ARMH3: variants seen among roughly 807,000 people sequenced by gnomAD.
ARMH3 encodes the protein armadillo like helical domain containing 3.
In ARMH3, 60 loss-of-function variants were observed where a neutral mutation model predicts 99.1. That is an observed-to-expected ratio of 0.61 (90% CI 0.49 to 0.75). The LOEUF (loss-of-function observed/expected upper bound fraction) is 0.75, where lower values mean the gene tolerates loss of function less well. Among genes scored for constraint, ARMH3 ranks in the 30% least tolerant of loss-of-function variants. The probability of loss-of-function intolerance (pLI) is 0.00; values close to 1 mark genes in which losing one functional copy is unlikely to be tolerated. For missense variants in ARMH3, 679 were observed against 843.1 expected (o/e 0.81, Z 2.41); for synonymous variants, 285 against 292.8 (o/e 0.97, Z 0.27).
At chr10:101,908,653 TTTTTC>T in intron 23 of ARMH3, among the ~76,000 whole-genome samples, 1 of 151,342 alleles carries the variant, frequency 6.6e-6, no homozygotes, top group Non-Finnish European at 1.5e-5. Flanking sequence ...CACTGTGGGT[TTTTTC>T]TTTTTCTTTT....
At chr10:101,900,040 T>C (rs2067937407) in intron 23 of ARMH3, among the ~76,000 whole-genome samples, 1 of 152,168 alleles carries the variant, frequency 6.6e-6, no homozygotes, top group African/African-American at 2.4e-5. Flanking sequence ...CATCACTTAA[T>C]CCATTCCCCT....
intron 20 of ARMH3, among the ~76,000 whole-genome samples, chr10:101,968,887 A>G (rs138344302): frequency 5.6e-4 from 85 of 152,306 alleles, no homozygotes; most frequent in Middle Eastern, 3.4e-3. Context: ...CCAGAAAGAT[A>G]CCTTCTAATG....
At chr10:101,987,897 G>A (rs1846585175) in intron 19 of ARMH3, among the ~76,000 whole-genome samples, 1 of 152,118 alleles carries the variant, frequency 6.6e-6, no homozygotes, top group Admixed American at 6.5e-5. Context: ...TAAGCCTTAA[G>A]GTTTTTTTTA....
At chr10:101,897,656 G>A (rs1163780045) in intron 23 of ARMH3, among the ~76,000 whole-genome samples, 2 of 152,104 alleles carry the variant, frequency 1.3e-5, no homozygotes, top group Admixed American at 6.5e-5. Flanking sequence ...ATTCTGATAC[G>A]GGGCCTCTAA....
chr10:101,897,984 C>CAG, intron 23 of ARMH3, among the ~76,000 whole-genome samples: 1 of 152,148 alleles, frequency 6.6e-6, no homozygotes, highest in Non-Finnish European at 1.5e-5. Flanking sequence ...TCTCTTTTCC[C>CAG]AAGTGCCGGG....
intron 14 of ARMH3, 107 bp downstream of exon 14, chr10:102,006,433 T>G: frequency 7.9e-7 from 1 of 1,271,514 alleles, no homozygotes; most frequent in South Asian, 1.3e-5. Flanking sequence ...ACCAATTTAG[T>G]GGGAAAAATT....
intron 24 of ARMH3, among the ~76,000 whole-genome samples, chr10:101,880,955 G>T (rs1237235147): frequency 6.6e-6 from 1 of 152,140 alleles, no homozygotes; most frequent in Non-Finnish European, 1.5e-5. Flanking sequence ...TGACTCTTAG[G>T]ATCAGGAGAA....
intron 20 of ARMH3, among the ~76,000 whole-genome samples, chr10:101,970,538 T>C (rs929807556): frequency 6.6e-6 from 1 of 152,176 alleles, no homozygotes; most frequent in Admixed American, 6.5e-5. Context: ...AAAAGCTAAG[T>C]AGGCCGGGTG....
At chr10:101,929,276 T>C (rs577917924) in intron 23 of ARMH3, among the ~76,000 whole-genome samples, 4 of 152,364 alleles carry the variant, frequency 2.6e-5, no homozygotes, top group South Asian at 2.1e-4. Flanking sequence ...TGCTCACATT[T>C]TGAGTAAAGG....
intron 23 of ARMH3, among the ~76,000 whole-genome samples, chr10:101,923,781 C>A (rs1455780055): frequency 6.6e-6 from 1 of 152,164 alleles, no homozygotes; most frequent in Admixed American, 6.5e-5. Flanking sequence ...GAGTAGGAGG[C>A]TACAGGAAGA....
intron 8 of ARMH3, among the ~76,000 whole-genome samples, chr10:102,016,597 G>A (rs1224518131): frequency 6.6e-6 from 1 of 152,198 alleles, no homozygotes; most frequent in Non-Finnish European, 1.5e-5. Context: ...GAAATGTCAT[G>A]CTCTAGGAAA....
intron 23 of ARMH3, among the ~76,000 whole-genome samples, chr10:101,928,728 GTTTGTT>G (rs1003623785): frequency 2.6e-5 from 4 of 152,062 alleles, no homozygotes; most frequent in African/African-American, 7.2e-5. Context: ...TGTTGTTGTT[GTTTGTT>G]TTTGTTTTTG....
intron 23 of ARMH3, among the ~76,000 whole-genome samples, chr10:101,898,010 A>C (rs754803619): frequency 6.6e-6 from 1 of 152,140 alleles, no homozygotes; most frequent in Non-Finnish European, 1.5e-5. Flanking sequence ...GTTAACTGAG[A>C]CACATAGTTA....
Position 102,055,242 on chromosome 10 carries a change from AG to A in ARMH3, c.-12+842del, listed in dbSNP as rs2067813066. Among the ~76,000 whole-genome samples the A allele has an allele frequency of 2.0e-5, 3 of 152,094 alleles. No individual in the cohort carries two copies. In the East Asian group the frequency reaches 5.8e-4, roughly 29 times the overall value. ...AACCCCGGAGGCAGAGGTTGTGGTA[AG>A]CCGAGATCGGGCAACTGCACTCCAG... On this transcript the variant is annotated intron_variant, in intron 1 of 25. Transcript: ENST00000370033.
At chr10:101,906,549 CT>C (rs1219248141) in intron 23 of ARMH3, among the ~76,000 whole-genome samples, 1 of 152,150 alleles carries the variant, frequency 6.6e-6, no homozygotes, top group Non-Finnish European at 1.5e-5. Context: ...GAAGAATTTA[CT>C]TGAGAGATAT....
intron 24 of ARMH3, among the ~76,000 whole-genome samples, chr10:101,859,841 C>A (rs1226410527): frequency 6.6e-6 from 1 of 152,060 alleles, no homozygotes; most frequent in East Asian, 1.9e-4. Flanking sequence ...TAACTAGTAC[C>A]CAGAGGAGAC....
At chr10:102,055,895 G>A (rs775939334) in intron 1 of ARMH3, among the ~76,000 whole-genome samples, 190 bp downstream of exon 1, 12 of 152,294 alleles carry the variant, frequency 7.9e-5, no homozygotes, top group Non-Finnish European at 1.3e-4. Flanking sequence ...GCCGCCCCCA[G>A]GCCCAGCCCT....
chr10:101,889,279 C>G (rs768577388), intron 24 of ARMH3, 133 bp downstream of exon 24: 70 of 870,012 alleles, frequency 8.0e-5, no homozygotes, highest in Non-Finnish European at 1.1e-4. Flanking sequence ...CAACCCCACA[C>G]TAATTCCTCT....
chr10:101,920,101 AAT>A (rs1843247926), intron 23 of ARMH3, among the ~76,000 whole-genome samples: 1 of 152,214 alleles, frequency 6.6e-6, no homozygotes, highest in Admixed American at 6.5e-5. Flanking sequence ...AGAAAGAGTC[AAT>A]GTGTCACTAA....
Sources: gnomAD v4.1 joint callset for allele counts (sites outside exome capture counted in the v4.1 genomes callset) on GRCh38, gnomAD v4.1.1 for gene constraint, MANE v1.5 for transcripts, NCBI Gene and HGNC (gene_info 2026-07-23, HGNC 2026-07-21) for gene names.